ANKS1B: variants seen among roughly 807,000 people sequenced by gnomAD.
The protein encoded by ANKS1B is ankyrin repeat and sterile alpha motif domain containing 1B.
ANKS1B carries 36 observed loss-of-function variants against 148.3 expected under a neutral mutation model. The ratio of observed to expected loss-of-function variants is 0.24; its 90% confidence interval spans 0.19 to 0.32. The LOEUF is 0.32. Among genes scored for constraint, ANKS1B ranks in the 10% least tolerant of loss-of-function variants. The probability of loss-of-function intolerance (pLI) is 1.00; values close to 1 mark genes in which losing one functional copy is unlikely to be tolerated. For missense variants in ANKS1B, 1,157 were observed against 1,542.6 expected (o/e 0.75, Z 4.19); for synonymous variants, 542 against 560.8 (o/e 0.97, Z 0.47).
intron 9 of ANKS1B, among the ~76,000 whole-genome samples, chr12:99,583,304 T>G (rs1204064730): frequency 6.6e-6 from 1 of 152,146 alleles, no homozygotes; most frequent in African/African-American, 2.4e-5. Context: ...TACAGAAACA[T>G]GAATATAAAT....
intron 9 of ANKS1B, among the ~76,000 whole-genome samples, chr12:99,576,887 T>TA (rs1436314317): frequency 4.6e-5 from 7 of 151,962 alleles, no homozygotes; most frequent in African/African-American, 1.7e-4. Flanking sequence ...ACCCAATACT[T>TA]AGTTTTTCAA....
intron 1 of ANKS1B, among the ~76,000 whole-genome samples, chr12:99,872,436 G>T (rs1472734726): frequency 1.3e-5 from 2 of 152,030 alleles, no homozygotes; most frequent in East Asian, 3.9e-4. Flanking sequence ...TTAATCAGGG[G>T]AAAAATAAGG....
In ANKS1B at chr12:99,812,074, T is replaced by TA. The variant is rs573437585; in HGVS notation, c.372+80dup. On this transcript the variant is annotated intron_variant, in intron 3 of 26. Transcript: ENST00000683438. ...GAAAGGCCTTTGGGCAAGGTAAAGA[T>TA]AAAAAAATCACATTTTCAATATGGC... 883 of 1,491,524 alleles carry TA rather than the reference T, an allele frequency of 5.9e-4. 2 individuals are homozygous for TA. The highest frequency in any genetic ancestry group is 1.0e-3 in the African/African-American group (71 of 71,298). The allele number at this position is 1,491,524 out of a possible 1,614,324, so 92.4% of individuals were successfully genotyped here. A position where few individuals can be genotyped will look rare whatever the true frequency, so the allele number is the denominator to read the frequency against.
At chr12:99,841,452 A>G (rs1440815664) in intron 1 of ANKS1B, among the ~76,000 whole-genome samples, 1 of 152,060 alleles carries the variant, frequency 6.6e-6, no homozygotes, top group African/African-American at 2.4e-5. Context: ...TCACATTCAC[A>G]TGTAAATTGT....
At chr12:99,948,615 G>A (rs541814380) in intron 1 of ANKS1B, among the ~76,000 whole-genome samples, 10 of 152,282 alleles carry the variant, frequency 6.6e-5, no homozygotes, top group African/African-American at 2.2e-4. Context: ...AGAGGCTGGA[G>A]TAGCTGACTC....
rs996468172 is a variant in ANKS1B at position 99,111,767 on chromosome 12, C to G, written c.2527-26744G>C. On this transcript the variant is annotated intron_variant, in intron 15 of 26. Transcript: ENST00000683438. Reference sequence around the variant, plus strand: ...TTTTCTTGTTCTTTCCAATTCAACTCTCAGGGAGCTTTCTTGCCAGCCTGC... The same window carrying G: ...TTTTCTTGTTCTTTCCAATTCAACTGTCAGGGAGCTTTCTTGCCAGCCTGC... 5.9e-5 allele frequency among the ~76,000 whole-genome samples: 9 copies of G among 151,936 alleles called. No homozygotes were observed. In the Admixed American group the frequency reaches 5.9e-4, roughly 10 times the overall value.
chr12:99,326,395 C>T lies in ANKS1B; in HGVS notation c.1756+73236G>A, dbSNP rs181784120. On this transcript the variant is annotated intron_variant, in intron 12 of 26. Transcript: ENST00000683438. ...GCTTCACCAGAGAGTACTCCTCCAC[C>T]ACAACAATGCTTCAGCTCACTCCTC... Among the ~76,000 whole-genome samples the T allele has an allele frequency of 8.5e-5, 13 of 152,190 alleles. No homozygotes were observed. In the South Asian group the frequency reaches 1.0e-3, roughly 12 times the overall value.
At chr12:99,053,929 A>AT (rs1221645293) in intron 16 of ANKS1B, among the ~76,000 whole-genome samples, 1 of 152,200 alleles carries the variant, frequency 6.6e-6, no homozygotes, top group African/African-American at 2.4e-5. Context: ...ACAGGCATCT[A>AT]TTTTTTGTCA....
intron 16 of ANKS1B, among the ~76,000 whole-genome samples, chr12:99,072,567 G>A (rs61933374): frequency 0.095 from 14,506 of 152,076 alleles, 877 homozygotes; most frequent in South Asian, 0.22. Context: ...CCTTAAAGAT[G>A]ACTTAAGTGG....
At chr12:98,869,359 G>A (rs750705335) in intron 17 of ANKS1B, among the ~76,000 whole-genome samples, 5 of 152,200 alleles carry the variant, frequency 3.3e-5, no homozygotes, top group South Asian at 2.1e-4. Context: ...GACTGGGCAC[G>A]AGTCAAAACA....
intron 8 of ANKS1B, among the ~76,000 whole-genome samples, chr12:99,673,461 C>A (rs2098547755): frequency 6.6e-6 from 1 of 151,682 alleles, no homozygotes; most frequent in African/African-American, 2.4e-5. Context: ...ATATCTATGC[C>A]AAGAAGAAAA....
rs949887122 is a variant in ANKS1B, at chr12:98,943,135, G to A, written c.2778+110022C>T. Reference sequence around the variant, plus strand: ...CCATCTTTGGGCTTGTGATTACTGGGTAGTACACTGCTATTTCTTGAAGTG... The same window carrying A: ...CCATCTTTGGGCTTGTGATTACTGGATAGTACACTGCTATTTCTTGAAGTG... On this transcript the variant is annotated intron_variant, in intron 17 of 26. Coordinates refer to ENST00000683438, the MANE Select transcript of ANKS1B (RefSeq NM_001352186.2). 2.0e-5 allele frequency among the ~76,000 whole-genome samples: 3 copies of A among 152,294 alleles called. No homozygotes were observed. The East Asian group carries it at 5.8e-4, about 29-fold the overall frequency.
intron 17 of ANKS1B, among the ~76,000 whole-genome samples, chr12:99,049,979 A>G (rs778961553): frequency 1.2e-4 from 18 of 152,222 alleles, no homozygotes; most frequent in Non-Finnish European, 5.9e-5. Context: ...AACAACAGTT[A>G]CTGGAGCAAT....
chr12:99,868,377 T>C (rs1441239197), intron 1 of ANKS1B, among the ~76,000 whole-genome samples: 1 of 152,214 alleles, frequency 6.6e-6, no homozygotes, highest in Non-Finnish European at 1.5e-5. Flanking sequence ...ATAGCAGTCA[T>C]ACTTAATTAT....
intron 10 of ANKS1B, among the ~76,000 whole-genome samples, chr12:99,493,929 G>A (rs151209591): frequency 1.9e-4 from 29 of 152,256 alleles, no homozygotes; most frequent in African/African-American, 6.7e-4. Context: ...AACAGAAGCC[G>A]TACTATAGAT....
intron 1 of ANKS1B, among the ~76,000 whole-genome samples, chr12:99,869,897 T>C (rs1338412277): frequency 6.6e-6 from 1 of 152,072 alleles, no homozygotes; most frequent in Non-Finnish European, 1.5e-5. Flanking sequence ...ATAAGCAAAA[T>C]TTTCTTTTTC....
chr12:99,590,260 A>ACACC (rs2097688817), intron 9 of ANKS1B, among the ~76,000 whole-genome samples: 1 of 127,864 alleles, frequency 7.8e-6, no homozygotes, highest in African/African-American at 3.0e-5. Context: ...ACACCCACCC[A>ACACC]CACACACACA....
intron 10 of ANKS1B, among the ~76,000 whole-genome samples, chr12:99,449,301 G>A (rs2095687525): frequency 6.6e-6 from 1 of 152,032 alleles, no homozygotes; most frequent in African/African-American, 2.4e-5. Context: ...TCCGCTGTTA[G>A]TTTCATCATC....
At chr12:98,862,863 A>T (rs963777982) in intron 17 of ANKS1B, among the ~76,000 whole-genome samples, 6 of 152,234 alleles carry the variant, frequency 3.9e-5, no homozygotes, top group Non-Finnish European at 7.3e-5. Context: ...GTGCAAAGTA[A>T]GCATTTTGAT....
Sources: allele counts gnomAD v4.1 joint callset (sites outside exome capture counted in the v4.1 genomes callset), GRCh38; gene constraint gnomAD v4.1.1; transcripts MANE v1.5; gene names NCBI Gene and HGNC (gene_info 2026-07-23, HGNC 2026-07-21).